The following NFXL1 variants were observed in gnomAD, a reference collection of about 807,000 sequenced individuals.
NFXL1 encodes nuclear transcription factor, X-box binding like 1.
A neutral mutation model predicts 123.3 loss-of-function variants in NFXL1; 66 were observed. The ratio of observed to expected loss-of-function variants is 0.54; its 90% CI spans 0.44 to 0.66. NFXL1 has a LOEUF of 0.66. NFXL1 is among the 30% of genes least tolerant of loss of function. The pLI, the probability that NFXL1 is intolerant of heterozygous loss-of-function variation, is 0.00. For synonymous variants in NFXL1, 346 were observed against 360.8 expected, an observed-to-expected ratio of 0.96 and a Z score of 0.46; for missense variants, 944 against 1,125.6, an observed-to-expected ratio of 0.84 and a Z score of 2.31.
chr4:47,877,083 T>G, intron 17 of NFXL1: 1 of 1,102,882 alleles, frequency 9.1e-7, no homozygotes, highest in Non-Finnish European at 1.2e-6. Flanking sequence ...ATAACATGAG[T>G]AGAAGAGCAC....
intron 18 of NFXL1, among the ~76,000 whole-genome samples, chr4:47,874,680 C>A (rs1208517215): frequency 6.9e-6 from 1 of 145,308 alleles, no homozygotes; most frequent in African/African-American, 2.5e-5. Context: ...GGAAAAAGGG[C>A]ATCAATAGAC....
At position 47,896,471 on chromosome 4, in the gene NFXL1, A is replaced by T; in HGVS notation, c.1329+52T>A. 7.1e-6 allele frequency: 10 copies of T among 1,399,712 alleles called. No individual in the cohort carries two copies. The South Asian group carries it at 1.2e-4, about 16-fold the overall frequency. The allele number at this position is 1,399,712 out of a possible 1,614,324, so 86.7% of individuals were successfully genotyped here. On this transcript the variant is annotated intron_variant, in intron 10 of 22. Transcript: ENST00000507489. ...AACAACCACAGGACAATCTCATTTG[A>T]TACATTATGATAGGTAGCTCTTAAA...
chr4:47,899,485 T>A lies in NFXL1; in HGVS notation c.711A>T (p.Gly237=). Reference sequence around the variant, plus strand: ...GATCTAAAGGTGGATCTTCTACTTTTCCACAATAGCAATAGTACCTACTAG... The same window carrying A: ...GATCTAAAGGTGGATCTTCTACTTTACCACAATAGCAATAGTACCTACTAG... ...ETPSRYYCYC[G]KVEDPPLDPW... is the part of the protein sequence containing the mutation. Residue 237 remains glycine, a synonymous_variant, in exon 6 of 23, where the codon GGA becomes GGT. Transcript: ENST00000507489. 6.2e-7 allele frequency: 1 copy of A among 1,613,382 alleles called. No homozygotes were observed. The highest frequency in any genetic ancestry group is 8.5e-7 in the Non-Finnish European group (1 of 1,179,318).
chr4:47,858,926 T>C (rs1348503390), intron 19 of NFXL1, among the ~76,000 whole-genome samples: 1 of 152,218 alleles, frequency 6.6e-6, no homozygotes, highest in Non-Finnish European at 1.5e-5. Context: ...AATCATGTGA[T>C]CATTTTCCTG....
chr4:47,862,217 T>G (rs1470716921), intron 19 of NFXL1, among the ~76,000 whole-genome samples: 1 of 152,236 alleles, frequency 6.6e-6, no homozygotes, highest in Non-Finnish European at 1.5e-5. Context: ...AACTACTTTT[T>G]GACAGTTTTA....
intron 19 of NFXL1, among the ~76,000 whole-genome samples, chr4:47,857,267 T>C (rs1734467984): frequency 6.6e-6 from 1 of 152,160 alleles, no homozygotes; most frequent in Admixed American, 6.5e-5. Context: ...TATTTGGAAA[T>C]ATACCTTAAT....
chr4:47,862,711 A>G (rs1177832444), intron 19 of NFXL1, 135 bp downstream of exon 19: 10 of 700,294 alleles, frequency 1.4e-5, no homozygotes, highest in Non-Finnish European at 2.3e-5. Context: ...ATCTACCCTA[A>G]CTATATGTCT....
chr4:47,913,011 CAAA>C (rs574444228), intron 2 of NFXL1, among the ~76,000 whole-genome samples: 2,650 of 74,446 alleles, frequency 0.036, 68 homozygotes, highest in African/African-American at 0.12. Flanking sequence ...GACTCTGTCT[CAAA>C]AAAAAAAAAA....
At chr4:47,894,479 G>A (rs1477883839) in intron 10 of NFXL1, among the ~76,000 whole-genome samples, 177 bp from the exon 11 acceptor site, 1 of 150,988 alleles carries the variant, frequency 6.6e-6, no homozygotes, top group African/African-American at 2.4e-5. Context: ...ATCTTACTTT[G>A]TTCCAAAAAG....
Position 47,851,942 on chromosome 4 carries a change from C to G in NFXL1, c.2422G>C (p.Glu808Gln). The G allele has an allele frequency of 6.2e-7, 1 of 1,601,912 alleles. No individual in the cohort carries two copies. Among genetic ancestry groups the G allele is most frequent in the Non-Finnish European group, 8.5e-7 (1 of 1,170,234 alleles). Residue 808 changes from glutamate (E) to glutamine (Q), a missense_variant and splice_region_variant, in exon 21 of 23, where the codon GAA (glutamate) becomes CAA (glutamine). Transcript: ENST00000507489. ...TCACGTACTTTGTTGCACTGCAATT[C>G]CTACAAACAACCCGATTTTCAAATT... ...LRCPCKRIKK[E>Q]LQCNKVRENQ...
At chr4:47,866,696 G>A (rs1735096157) in intron 18 of NFXL1, among the ~76,000 whole-genome samples, 1 of 152,208 alleles carries the variant, frequency 6.6e-6, no homozygotes, top group South Asian at 2.1e-4. Context: ...GCCCTTGGCT[G>A]GTGCTTGGGA....
intron 3 of NFXL1, among the ~76,000 whole-genome samples, chr4:47,908,425 A>G (rs1194838594): frequency 2.0e-5 from 3 of 148,360 alleles, no homozygotes; most frequent in East Asian, 2.0e-4. Flanking sequence ...CTGTCTCCAA[A>G]AAAAAAAAAA....
chr4:47,909,080 A>G (rs1040846157), intron 3 of NFXL1, among the ~76,000 whole-genome samples: 1 of 152,186 alleles, frequency 6.6e-6, no homozygotes, highest in Non-Finnish European at 1.5e-5. Context: ...CACAGACTAC[A>G]CAACAGGCAC....
Position 47,857,881 on chromosome 4 carries a change from T to C in NFXL1, c.2317-2718A>G, listed in dbSNP as rs1368840329. On this transcript the variant is annotated intron_variant, in intron 19 of 22. Transcript: ENST00000507489. ...TAGTCATCTCACTGTAAAGCCCCCT[T>C]AGGATGCAGAGATCCTGCCTTTCCC... 2.0e-5 allele frequency among the ~76,000 whole-genome samples: 3 copies of C among 152,192 alleles called. No homozygotes were observed. In the East Asian group the frequency reaches 5.8e-4, roughly 29 times the overall value.
chr4:47,855,744 A>G (rs1255782174), intron 19 of NFXL1, among the ~76,000 whole-genome samples: 1 of 152,094 alleles, frequency 6.6e-6, no homozygotes, highest in Non-Finnish European at 1.5e-5. Context: ...TTATTCTACA[A>G]CATTTACCCT....
At position 47,910,876 on chromosome 4, in the gene NFXL1, T is replaced by G. The variant is rs774822705; in HGVS notation, c.354A>C (p.Gly118=). ...SSEEGDEDFE[G]KQGKILANTF... ...TATTTGCAAGTATTTTTCCCTGTTT[T>G]CCTTCAAAATCTTCATCTCCTTCTT... The change falls in exon 3 of 23, where the codon GGA becomes GGC. Residue 118 remains glycine (G), a synonymous_variant. Transcript: ENST00000507489. 3.7e-6 allele frequency: 6 copies of G among 1,603,242 alleles called. No homozygotes were observed. Among genetic ancestry groups the G allele is most frequent in the Non-Finnish European group, 5.1e-6 (6 of 1,175,052 alleles).
chr4:47,879,076 A>G lies in NFXL1; in HGVS notation c.1938+20T>C. ...AGTATAGATTATAAGCTTTACTTAA[A>G]AATTGTGCCTGTAACTTACCTCATG... is the stretch of plus-strand genomic sequence containing the variant. On this transcript the variant is annotated intron_variant, in intron 16 of 22. Transcript: ENST00000507489. The G allele has an allele frequency of 7.3e-7, 1 of 1,376,770 alleles. No individual in the cohort carries two copies. Among genetic ancestry groups the G allele is most frequent in the East Asian group, 2.6e-5 (1 of 38,188 alleles). The allele number at this position is 1,376,770 out of a possible 1,614,324, so 85.3% of individuals were successfully genotyped here. A position where few individuals can be genotyped will look rare whatever the true frequency, so the allele number is the denominator to read the frequency against.
chr4:47,852,501 T>C (rs1355819342), intron 20 of NFXL1, among the ~76,000 whole-genome samples: 1 of 152,152 alleles, frequency 6.6e-6, no homozygotes, highest in Non-Finnish European at 1.5e-5. Context: ...TCTCAGATAG[T>C]GCAGCTCTAG....
chr4:47,896,770 ACATAAT>A, intron 9 of NFXL1, 123 bp from the exon 10 acceptor site: 2 of 582,488 alleles, frequency 3.4e-6, no homozygotes, highest in Admixed American at 6.4e-5. Flanking sequence ...TTTTGTATCC[ACATAAT>A]CATTGGGAAA....
Sources: gnomAD v4.1 joint callset for allele counts (sites outside exome capture counted in the v4.1 genomes callset) on GRCh38, gnomAD v4.1.1 for gene constraint, MANE v1.5 for transcripts, NCBI Gene and HGNC (gene_info 2026-07-23, HGNC 2026-07-21) for gene names.